ARAP2: variants seen among roughly 807,000 people sequenced by gnomAD.
ARAP2 encodes ArfGAP with RhoGAP domain, ankyrin repeat and PH domain 2, also known as arf-GAP with Rho-GAP domain, ANK repeat and PH domain-containing protein 2.
In ARAP2, 148 loss-of-function variants were observed where a neutral mutation model predicts 194.5. That is an observed-to-expected ratio of 0.76 (90% confidence interval 0.67 to 0.87). ARAP2 has a LOEUF of 0.87. ARAP2 is among the 40% of genes least tolerant of loss of function. ARAP2 has a pLI of 0.00. For missense variants in ARAP2, 2,128 were observed against 1,989.7 expected, an observed-to-expected ratio of 1.07 and a Z score of -1.32; for synonymous variants, 695 against 683.5, an observed-to-expected ratio of 1.02 and a Z score of -0.26.
intron 1 of ARAP2, among the ~76,000 whole-genome samples, chr4:36,241,758 G>A (rs568137974): frequency 7.9e-5 from 12 of 152,206 alleles, no homozygotes; most frequent in African/African-American, 2.2e-4. Context: ...CCAATTTTAT[G>A]ACCCTAATTT....
In ARAP2 at chr4:36,178,100, A is replaced by T. The variant is rs978763317; in HGVS notation, c.1679-95T>A. On this transcript the variant is annotated intron_variant, in intron 8 of 32. Coordinates refer to ENST00000303965, the MANE Select transcript of ARAP2 (RefSeq NM_015230.4). ...GAAATCCATGCCCTTTGCAACACAT[A>T]AGTGACAGATTCTTTCCCACAACCA... 1.4e-5 allele frequency: 15 copies of T among 1,081,798 alleles called. No homozygotes were observed. The Admixed American group carries it at 1.5e-4, about 11-fold the overall frequency. 67.0% of individuals were successfully genotyped at this position (1,081,798 alleles called of 1,614,324 possible).
At chr4:36,087,063 T>A (rs145940975) in intron 28 of ARAP2, among the ~76,000 whole-genome samples, 1 of 152,078 alleles carries the variant, frequency 6.6e-6, no homozygotes, top group Non-Finnish European at 1.5e-5. Context: ...TTAAAAAATA[T>A]ATACAAGCAT....
chr4:36,096,158 G>A (rs1436921568), intron 27 of ARAP2, among the ~76,000 whole-genome samples: 2 of 151,910 alleles, frequency 1.3e-5, no homozygotes, highest in African/African-American at 4.8e-5. Flanking sequence ...GAGGTCAAGA[G>A]CTTGAGACCA....
intron 4 of ARAP2, among the ~76,000 whole-genome samples, chr4:36,212,775 T>C (rs975749945): frequency 1.2e-4 from 19 of 152,098 alleles, no homozygotes; most frequent in African/African-American, 4.3e-4. Context: ...ACTCCTTGAT[T>C]CATTTTTGTC....
chr4:36,044,702 T>C (rs1721506896), intron 5 of ARAP2, among the ~76,000 whole-genome samples: 1 of 152,066 alleles, frequency 6.6e-6, no homozygotes, highest in Non-Finnish European at 1.5e-5. Flanking sequence ...CAAATGAGAC[T>C]AGATAAAACT....
In ARAP2 at chr4:36,128,643, G is replaced by T. The variant is rs765732715; in HGVS notation, c.3530C>A (p.Ala1177Asp). Residue 1177 changes from alanine to aspartate, a missense_variant, in exon 21 of 33, where the codon GCT becomes GAT. Coordinates refer to ENST00000303965, the MANE Select transcript of ARAP2 (RefSeq NM_015230.4). Reference protein sequence around the residue: ...KKDARSFKLRAGKHQLEDVTA... With the variant: ...KKDARSFKLRDGKHQLEDVTA... The stretch of plus-strand genomic sequence containing the variant: ...CACATCTTCAAGCTGATGTTTTCCA[G>T]CCCTCAATTTAAAGCTTCTTGCATC... 4 of 1,612,806 alleles carry T rather than the reference G, an allele frequency of 2.5e-6. No individual in the cohort carries two copies. The Admixed American group carries it at 6.7e-5, about 27-fold the overall frequency.
intron 1 of ARAP2, among the ~76,000 whole-genome samples, chr4:36,241,214 GACAA>G (rs1239288787): frequency 1.3e-5 from 2 of 152,078 alleles, no homozygotes; most frequent in African/African-American, 4.8e-5. Context: ...CATATTTTTA[GACAA>G]ACAACCAGAT....
chr4:36,077,093 G>A (rs1281615211), intron 31 of ARAP2, among the ~76,000 whole-genome samples: 1 of 152,032 alleles, frequency 6.6e-6, no homozygotes, highest in African/African-American at 2.4e-5. Context: ...GAGCTTGCAG[G>A]GGTGAATGCT....
intron 5 of ARAP2, among the ~76,000 whole-genome samples, chr4:36,021,230 A>G (rs1716883063): frequency 6.6e-6 from 1 of 152,196 alleles, no homozygotes; most frequent in Non-Finnish European, 1.5e-5. Context: ...TTGTTTTTCA[A>G]TCAAGTGAAA....
In ARAP2 at chr4:36,160,454, A is replaced by C; in HGVS notation, c.2442+5T>G. On this transcript the variant is annotated splice_donor_5th_base_variant and intron_variant, in intron 13 of 32. Coordinates refer to ENST00000303965, the MANE Select transcript of ARAP2 (RefSeq NM_015230.4). ...CCACGTCTGCTGTTATGTTTAATTG[A>C]ATACCTTATTTAATTCTTCTTTGGT... The C allele has an allele frequency of 6.5e-7, 1 of 1,537,694 alleles. No homozygotes were observed. Among genetic ancestry groups the C allele is most frequent in the Admixed American group, 2.3e-5 (1 of 43,840 alleles).
intron 2 of ARAP2, among the ~76,000 whole-genome samples, chr4:36,217,596 G>T (rs968522547): frequency 2.0e-5 from 3 of 151,236 alleles, no homozygotes; most frequent in Non-Finnish European, 4.4e-5. Context: ...TACTAATAGG[G>T]TTGACATATA....
chr4:36,064,039 GTTTGAT>G (rs768754152), downstream of ARAP2, among the ~76,000 whole-genome samples: 2 of 152,064 alleles, frequency 1.3e-5, no homozygotes, highest in Non-Finnish European at 2.9e-5. Context: ...AATTATTTTT[GTTTGAT>G]TTTGAGTTCT....
At chr4:36,065,271 G>A (rs1454865800), downstream of ARAP2, 3 of 442,654 alleles carry the variant, frequency 6.8e-6, no homozygotes, top group East Asian at 1.9e-4. Flanking sequence ...CCTTGTTGAG[G>A]GCCAACACCA....
At chr4:36,116,968 T>C in intron 25 of ARAP2, 93 bp downstream of exon 25, 3 of 751,676 alleles carry the variant, frequency 4.0e-6, no homozygotes, top group Non-Finnish European at 5.8e-6. Flanking sequence ...AGAGGTAATA[T>C]AAAATATAAT....
intron 7 of ARAP2, among the ~76,000 whole-genome samples, chr4:36,192,123 C>A (rs1398183769): frequency 2.7e-5 from 4 of 148,492 alleles, no homozygotes; most frequent in African/African-American, 1.0e-4. Context: ...AGAGTCACAA[C>A]AGAAACTCTC....
chr4:36,029,428 A>G (rs980410315), intron 5 of ARAP2, among the ~76,000 whole-genome samples: 1 of 151,870 alleles, frequency 6.6e-6, no homozygotes, highest in African/African-American at 2.4e-5. Context: ...CCTGTTTCCA[A>G]TTGGTTTCAT....
chr4:36,008,777 A>G (rs1269415027), intron 9 of ARAP2, among the ~76,000 whole-genome samples: 1 of 152,132 alleles, frequency 6.6e-6, no homozygotes, highest in Non-Finnish European at 1.5e-5. Flanking sequence ...GAATGAGAGA[A>G]AATATTTGCA....
At chr4:36,155,905 G>A (rs921244041) in intron 15 of ARAP2, among the ~76,000 whole-genome samples, 1 of 152,130 alleles carries the variant, frequency 6.6e-6, no homozygotes, top group African/African-American at 2.4e-5. Flanking sequence ...ACTTTTAGAA[G>A]ACACGGTCTT....
rs771496249 is a variant in ARAP2, at chr4:36,187,527, T to C, written c.1602A>G (p.Thr534=). 1 of 1,567,486 alleles carries C rather than the reference T, an allele frequency of 6.4e-7. No individual in the cohort carries two copies. Among genetic ancestry groups the C allele is most frequent in the East Asian group, 2.3e-5 (1 of 43,452 alleles). The part of the protein sequence containing the change: ...KGIIPLSAIS[T]VRVQGDNKFE... ...ATTTGTTGTCTCCTTGAACTCGTACTGTTGATATAGCAGAAAGGGGAATTA... is the reference window on the plus strand; with the variant it reads ...ATTTGTTGTCTCCTTGAACTCGTACCGTTGATATAGCAGAAAGGGGAATTA... The change falls in exon 8 of 33, where the codon ACA becomes ACG. Residue 534 remains threonine, a synonymous_variant. Transcript: ENST00000303965.
Sources: allele counts gnomAD v4.1 joint callset (sites outside exome capture counted in the v4.1 genomes callset), GRCh38; gene constraint gnomAD v4.1.1; transcripts MANE v1.5; gene names NCBI Gene and HGNC (gene_info 2026-07-23, HGNC 2026-07-21).